Variants in MEGF9 observed in about 807,000 individuals in gnomAD.
The protein encoded by MEGF9 is multiple epidermal growth factor-like domains protein 9.
In MEGF9, 6 loss-of-function variants were observed where a neutral mutation model predicts 46.8. The ratio of observed to expected loss-of-function variants is 0.13; its 90% CI spans 0.07 to 0.25. MEGF9 has a LOEUF of 0.25. Ranked by LOEUF, MEGF9 falls within the 10% of genes least tolerant of loss-of-function variation. The pLI, the probability that MEGF9 is intolerant of heterozygous loss-of-function variation, is 1.00. For missense variants in MEGF9, 683 were observed against 792.4 expected (o/e 0.86, Z 1.66); for synonymous variants, 302 against 330.7 (o/e 0.91, Z 0.94).
intron 3 of MEGF9, among the ~76,000 whole-genome samples, chr9:120,614,425 T>A (rs140834690): frequency 2.6e-5 from 4 of 152,208 alleles, no homozygotes; most frequent in African/African-American, 9.6e-5. Flanking sequence ...TTTTCAATCA[T>A]GTAATTGTAA....
At chr9:120,660,527 T>A (rs1324462848) in intron 1 of MEGF9, among the ~76,000 whole-genome samples, 1 of 151,216 alleles carries the variant, frequency 6.6e-6, no homozygotes, top group Non-Finnish European at 1.5e-5. Context: ...ATTCTTTCTA[T>A]TTTTTTTTGT....
At chr9:120,632,561 C>T (rs2043555254) in intron 2 of MEGF9, among the ~76,000 whole-genome samples, 1 of 152,130 alleles carries the variant, frequency 6.6e-6, no homozygotes. Flanking sequence ...TTGATTTCCT[C>T]CTTTCCAATT....
intron 1 of MEGF9, among the ~76,000 whole-genome samples, chr9:120,690,392 G>A (rs1313399059): frequency 2.6e-5 from 4 of 152,040 alleles, no homozygotes; most frequent in African/African-American, 9.7e-5. Context: ...TATATTAAAG[G>A]ATATGTGGCT....
intron 1 of MEGF9, among the ~76,000 whole-genome samples, chr9:120,690,216 A>G (rs541731002): frequency 8.5e-5 from 13 of 152,208 alleles, no homozygotes; most frequent in Non-Finnish European, 1.9e-4. Context: ...GGAAATTACG[A>G]GGTCCAAGGA....
At chr9:120,643,711 C>CTT (rs905342541) in intron 2 of MEGF9, among the ~76,000 whole-genome samples, 1 of 141,500 alleles carries the variant, frequency 7.1e-6, no homozygotes. Context: ...TTTTTTTTTT[C>CTT]TTTTTTTTTT....
intron 2 of MEGF9, among the ~76,000 whole-genome samples, chr9:120,656,225 A>G (rs1400473237): frequency 6.6e-6 from 1 of 152,134 alleles, no homozygotes; most frequent in Non-Finnish European, 1.5e-5. Context: ...GAAAATAATA[A>G]TGTTCTCCTC....
intron 1 of MEGF9, among the ~76,000 whole-genome samples, chr9:120,698,690 G>A (rs956220445): frequency 1.3e-5 from 2 of 152,186 alleles, no homozygotes; most frequent in Non-Finnish European, 2.9e-5. Context: ...TTTACTATGT[G>A]CTGATTATTA....
At chr9:120,617,373 A>C (rs2043477074) in intron 3 of MEGF9, among the ~76,000 whole-genome samples, 1 of 152,182 alleles carries the variant, frequency 6.6e-6, no homozygotes, top group Admixed American at 6.5e-5. Context: ...ACCTATCTGA[A>C]ATACAGTAAT....
intron 1 of MEGF9, among the ~76,000 whole-genome samples, chr9:120,678,532 G>A (rs1056745799): frequency 2.6e-5 from 4 of 152,182 alleles, no homozygotes; most frequent in African/African-American, 9.7e-5. Flanking sequence ...GAATGCAGTA[G>A]CATGATCTTG....
intron 1 of MEGF9, among the ~76,000 whole-genome samples, chr9:120,670,571 T>C (rs1353673244): frequency 3.3e-5 from 5 of 152,218 alleles, no homozygotes; most frequent in South Asian, 2.1e-4. Context: ...ATTGCCAGCA[T>C]TGGCTATTCC....
chr9:120,710,634 C>T (rs1299262873), intron 1 of MEGF9, among the ~76,000 whole-genome samples: 1 of 152,154 alleles, frequency 6.6e-6, no homozygotes, highest in Non-Finnish European at 1.5e-5. Flanking sequence ...ATTCAAAAAG[C>T]ATCTATAAGA....
chr9:120,669,629 T>C (rs528329040), intron 1 of MEGF9, among the ~76,000 whole-genome samples: 103 of 149,126 alleles, frequency 6.9e-4, no homozygotes, highest in Admixed American at 2.1e-3. Flanking sequence ...CATAAAAAAA[T>C]GTACAATTCA....
chr9:120,635,469 C>T (rs1190552842), intron 2 of MEGF9, among the ~76,000 whole-genome samples: 1 of 152,140 alleles, frequency 6.6e-6, no homozygotes, highest in Non-Finnish European at 1.5e-5. Context: ...TAATGGTGTC[C>T]CATAAGTCTT....
chr9:120,620,437 TG>T (rs2043493955), intron 3 of MEGF9, among the ~76,000 whole-genome samples: 1 of 151,512 alleles, frequency 6.6e-6, no homozygotes, highest in South Asian at 2.1e-4. Flanking sequence ...TATACAATGG[TG>T]AAAAAAAAAA....
intron 2 of MEGF9, among the ~76,000 whole-genome samples, chr9:120,653,066 C>T (rs991296963): frequency 1.5e-4 from 23 of 152,236 alleles, no homozygotes; most frequent in African/African-American, 5.5e-4. Context: ...TACTTGTCTA[C>T]AATTTCCTTT....
At chr9:120,690,122 A>C (rs1275852491) in intron 1 of MEGF9, 3 of 379,998 alleles carry the variant, frequency 7.9e-6, no homozygotes, top group Non-Finnish European at 1.6e-5. Flanking sequence ...AACATTCCAG[A>C]TATATAACTA....
At chr9:120,630,526 A>G (rs781164720) in intron 2 of MEGF9, among the ~76,000 whole-genome samples, 4 of 152,218 alleles carry the variant, frequency 2.6e-5, no homozygotes, top group Non-Finnish European at 4.4e-5. Flanking sequence ...ATATACACCC[A>G]GTAGAGGGAT....
At chr9:120,641,448 C>A (rs371711567) in intron 2 of MEGF9, among the ~76,000 whole-genome samples, 8 of 152,246 alleles carry the variant, frequency 5.3e-5, no homozygotes, top group African/African-American at 1.9e-4. Context: ...CTCATAAAAA[C>A]AAAGAATAGA....
chr9:120,626,554 G>C (rs1197691603), intron 2 of MEGF9, among the ~76,000 whole-genome samples: 1 of 152,072 alleles, frequency 6.6e-6, no homozygotes, highest in Non-Finnish European at 1.5e-5. Context: ...TCAAGATATG[G>C]TACATATCTA....
Sources: gnomAD v4.1 joint callset for allele counts (sites outside exome capture counted in the v4.1 genomes callset) on GRCh38, gnomAD v4.1.1 for gene constraint, MANE v1.5 for transcripts, NCBI Gene and HGNC (gene_info 2026-07-23, HGNC 2026-07-21) for gene names.